Variants in AUTS2 observed in about 807,000 individuals in gnomAD.
AUTS2 encodes activator of transcription and developmental regulator AUTS2, also known as autism susceptibility gene 2 protein.
Under a neutral mutation model 112.4 loss-of-function variants are expected in AUTS2, and 17 were observed. The ratio of observed to expected loss-of-function variants is 0.15; its 90% CI spans 0.10 to 0.23. The LOEUF (loss-of-function observed/expected upper bound fraction) is 0.23. AUTS2 is among the 10% of genes least tolerant of loss of function. The pLI is 1.00. For synonymous variants in AUTS2, 751 were observed against 702.7 expected (o/e 1.07, Z -1.09); for missense variants, 1,510 against 1,701.6 (o/e 0.89, Z 1.98).
At chr7:70,769,087 GAAGTC>G (rs1790147500) in intron 10 of AUTS2, among the ~76,000 whole-genome samples, 1 of 152,086 alleles carries the variant, frequency 6.6e-6, no homozygotes, top group African/African-American at 2.4e-5. Flanking sequence ...GGTTAGCTGA[GAAGTC>G]AAGGCTAGAA....
chr7:69,739,196 C>T (rs1177642136), intron 1 of AUTS2, among the ~76,000 whole-genome samples: 1 of 152,088 alleles, frequency 6.6e-6, no homozygotes, highest in Admixed American at 6.6e-5. Flanking sequence ...TTGCTAATAC[C>T]CTTCAGATAT....
intron 1 of AUTS2, among the ~76,000 whole-genome samples, chr7:69,639,670 C>A (rs1379869947): frequency 6.6e-6 from 1 of 152,212 alleles, no homozygotes; most frequent in African/African-American, 2.4e-5. Context: ...CTAAAGGCTT[C>A]CGTCTTGCTC....
chr7:70,214,198 C>T (rs1320589692), intron 4 of AUTS2, among the ~76,000 whole-genome samples: 1 of 152,096 alleles, frequency 6.6e-6, no homozygotes, highest in Non-Finnish European at 1.5e-5. Context: ...CTTAATTAGG[C>T]AAGTTTATTG....
chr7:70,134,106 G>A (rs1461637919), intron 3 of AUTS2, among the ~76,000 whole-genome samples: 1 of 152,144 alleles, frequency 6.6e-6, no homozygotes, highest in Admixed American at 6.6e-5. Context: ...TTATTTTCAA[G>A]TCAATCTGGG....
At chr7:69,936,951 C>A (rs938876412) in intron 2 of AUTS2, among the ~76,000 whole-genome samples, 1 of 151,918 alleles carries the variant, frequency 6.6e-6, no homozygotes, top group East Asian at 1.9e-4. Context: ...TTCCTTTCCC[C>A]GCTCCCTGTT....
intron 1 of AUTS2, among the ~76,000 whole-genome samples, chr7:69,827,417 G>A (rs1469419360): frequency 6.6e-6 from 1 of 151,796 alleles, no homozygotes; most frequent in African/African-American, 2.4e-5. Flanking sequence ...TAGATGGATT[G>A]TAACCGTGAT....
At chr7:70,598,150 AG>A (rs1291721422) in intron 5 of AUTS2, among the ~76,000 whole-genome samples, 23 of 152,160 alleles carry the variant, frequency 1.5e-4, no homozygotes, top group Admixed American at 1.5e-3. Context: ...GGTGCTTTGC[AG>A]GTCCCTAAGT....
intron 1 of AUTS2, among the ~76,000 whole-genome samples, chr7:69,873,431 T>C (rs554500121): frequency 6.6e-6 from 1 of 151,636 alleles, no homozygotes; most frequent in African/African-American, 2.4e-5. Flanking sequence ...TTTTTTTTTT[T>C]TTTTGCATCC....
intron 5 of AUTS2, among the ~76,000 whole-genome samples, chr7:70,644,524 C>T (rs1247952594): frequency 1.3e-5 from 2 of 152,194 alleles, no homozygotes; most frequent in Non-Finnish European, 2.9e-5. Flanking sequence ...CACACATCGT[C>T]TCGCACCCAG....
At chr7:69,614,730 T>C (rs566086962) in intron 1 of AUTS2, among the ~76,000 whole-genome samples, 1 of 152,188 alleles carries the variant, frequency 6.6e-6, no homozygotes, top group South Asian at 2.1e-4. Flanking sequence ...GTGCTTCTCC[T>C]GCCTTCACCT....
chr7:70,176,394 A>G (rs956121417), intron 4 of AUTS2, among the ~76,000 whole-genome samples: 3 of 152,126 alleles, frequency 2.0e-5, no homozygotes, highest in African/African-American at 7.2e-5. Context: ...CATTCTTTAC[A>G]CTTTTACTCA....
chr7:70,583,422 T>C (rs978029452), intron 5 of AUTS2, among the ~76,000 whole-genome samples: 1 of 152,194 alleles, frequency 6.6e-6, no homozygotes, highest in South Asian at 2.1e-4. Flanking sequence ...CCGCAGTGAT[T>C]AGCAGTGAAT....
intron 1 of AUTS2, among the ~76,000 whole-genome samples, chr7:69,820,461 A>C (rs948176526): frequency 6.6e-5 from 10 of 152,236 alleles, no homozygotes; most frequent in Admixed American, 1.3e-4. Flanking sequence ...GGTGTTTTAC[A>C]AACTCTGCAG....
chr7:69,783,128 A>C (rs1404707007), intron 1 of AUTS2, among the ~76,000 whole-genome samples: 1 of 108,368 alleles, frequency 9.2e-6, no homozygotes. Flanking sequence ...CACTTATCCC[A>C]CTTGACATTG....
At chr7:70,340,627 G>A (rs1368771502) in intron 4 of AUTS2, among the ~76,000 whole-genome samples, 2 of 152,178 alleles carry the variant, frequency 1.3e-5, no homozygotes, top group Admixed American at 1.3e-4. Flanking sequence ...ATCCTCTTTG[G>A]AAACTCAGGA....
At chr7:69,999,652 A>G (rs1217376270) in intron 2 of AUTS2, among the ~76,000 whole-genome samples, 1 of 152,098 alleles carries the variant, frequency 6.6e-6, no homozygotes, top group South Asian at 2.1e-4. Flanking sequence ...GTACATTATC[A>G]CTGAAAAACT....
chr7:70,717,035 A>G (rs1211949070), intron 6 of AUTS2, among the ~76,000 whole-genome samples: 1 of 116,834 alleles, frequency 8.6e-6, no homozygotes, highest in African/African-American at 3.4e-5. Context: ...AAGCCTTGAC[A>G]CTTTTATTTA....
chr7:69,652,497 T>G (rs572681369), intron 1 of AUTS2, among the ~76,000 whole-genome samples: 30 of 151,470 alleles, frequency 2.0e-4, no homozygotes, highest in Admixed American at 6.6e-4. Flanking sequence ...TAAAGCACTT[T>G]GGAACTTAGG....
At chr7:70,628,430 T>C (rs957689884) in intron 5 of AUTS2, among the ~76,000 whole-genome samples, 1 of 151,472 alleles carries the variant, frequency 6.6e-6, no homozygotes, top group African/African-American at 2.4e-5. Context: ...ATCTGAAGCT[T>C]AAGGACCTTT....
Sources: allele counts gnomAD v4.1 joint callset (sites outside exome capture counted in the v4.1 genomes callset), GRCh38; gene constraint gnomAD v4.1.1; transcripts MANE v1.5; gene names NCBI Gene and HGNC (gene_info 2026-07-23, HGNC 2026-07-21).